Variants in PIK3C2A observed in about 807,000 individuals in gnomAD.
The protein encoded by PIK3C2A is phosphatidylinositol-4-phosphate 3-kinase catalytic subunit type 2 alpha.
A neutral mutation model predicts 204.5 loss-of-function variants in PIK3C2A; 97 were observed. The observed-to-expected ratio is 0.47, with a 90% confidence interval of 0.40 to 0.56. The LOEUF (loss-of-function observed/expected upper bound fraction) is 0.56. PIK3C2A is among the 20% of genes least tolerant of loss of function. The probability of loss-of-function intolerance (pLI) is 0.00; values close to 1 mark genes in which losing one functional copy is unlikely to be tolerated. For missense variants in PIK3C2A, 1,735 were observed against 1,969.2 expected, an observed-to-expected ratio of 0.88 and a Z score of 2.25; for synonymous variants, 653 against 664.4, an observed-to-expected ratio of 0.98 and a Z score of 0.26.
chr11:17,117,708 G>GTTTTTTTTT lies in PIK3C2A; in HGVS notation c.3036-46_3036-38dup, dbSNP rs35485246. The GTTTTTTTTT allele has an allele frequency of 1.6e-5, 5 of 319,516 alleles. 1 individual carries two copies. Among genetic ancestry groups the GTTTTTTTTT allele is most frequent in the South Asian group, 4.8e-5 (1 of 20,728 alleles). The allele number at this position is 319,516 out of a possible 1,614,324, so 19.8% of individuals were successfully genotyped here. On this transcript the variant is annotated intron_variant, in intron 18 of 32. Transcript: ENST00000691414. ...AAATATTTATGTTAGTCACGTCTTG[G>GTTTTTTTTT]TTTTTTTTTTTTTTTTTTTTTTTTG...
chr11:17,108,692 G>A (rs191492314), intron 22 of PIK3C2A, among the ~76,000 whole-genome samples: 1 of 152,256 alleles, frequency 6.6e-6, no homozygotes, highest in East Asian at 1.9e-4. Flanking sequence ...GCAGAAGCTG[G>A]TATGATGACA....
chr11:17,158,792 T>A (rs559521998), intron 2 of PIK3C2A, among the ~76,000 whole-genome samples: 172 of 152,086 alleles, frequency 1.1e-3, no homozygotes, highest in African/African-American at 4.0e-3. Context: ...TTTTAGGATT[T>A]AAAAAAAATA....
Position 17,088,440 on chromosome 11 carries a change from C to A in PIK3C2A, c.*1298G>T, listed in dbSNP as rs985505855. On this transcript the variant is annotated 3_prime_UTR_variant, in exon 33 of 33. Transcript: ENST00000691414. ...ATTTTTGTGTAGAGACGGGGTTTCA[C>A]CATGTTGGCCAGGCTGGTCTCAAAC... 1 of 152,052 alleles carries A rather than the reference C, an allele frequency of 6.6e-6. No individual in the cohort carries two copies. Among genetic ancestry groups the A allele is most frequent in the Non-Finnish European group, 1.5e-5 (1 of 68,054 alleles). 9.4% of individuals were successfully genotyped at this position (152,052 alleles called of 1,614,324 possible).
chr11:17,124,478 C>T (rs1446318123), intron 13 of PIK3C2A, among the ~76,000 whole-genome samples: 12 of 144,490 alleles, frequency 8.3e-5, no homozygotes, highest in African/African-American at 2.9e-4. Flanking sequence ...TTTTTTGAGA[C>T]GGAGTCTTGT....
intron 1 of PIK3C2A, among the ~76,000 whole-genome samples, chr11:17,204,971 A>C (rs1199868220): frequency 1.3e-5 from 2 of 151,932 alleles, no homozygotes; most frequent in Non-Finnish European, 2.9e-5. Context: ...TGAGGTCAGG[A>C]GTTCAAGACC....
At chr11:17,204,723 T>C (rs1393760488) in intron 1 of PIK3C2A, among the ~76,000 whole-genome samples, 3 of 152,194 alleles carry the variant, frequency 2.0e-5, no homozygotes, top group Non-Finnish European at 4.4e-5. Flanking sequence ...CCAGGCACTC[T>C]TTCAGGCCCT....
At chr11:17,186,907 C>G (rs1185983787) in intron 1 of PIK3C2A, among the ~76,000 whole-genome samples, 1 of 152,136 alleles carries the variant, frequency 6.6e-6, no homozygotes. Flanking sequence ...ACTAAAACCC[C>G]ATCTCTATTA....
chr11:17,201,997 T>G (rs1416443466), intron 1 of PIK3C2A, among the ~76,000 whole-genome samples: 1 of 152,132 alleles, frequency 6.6e-6, no homozygotes, highest in Non-Finnish European at 1.5e-5. Context: ...GGCCCACACC[T>G]GTAATCCCAG....
intron 1 of PIK3C2A, among the ~76,000 whole-genome samples, chr11:17,184,673 G>A (rs80354653): frequency 0.12 from 17,836 of 152,222 alleles, 1,476 homozygotes; most frequent in African/African-American, 0.22. Context: ...GGTGTCTCAT[G>A]CTTATAATCC....
intron 1 of PIK3C2A, 45 bp from the exon 2 acceptor site, chr11:17,169,851 T>C (rs1333426724): frequency 1.3e-6 from 1 of 745,850 alleles, no homozygotes; most frequent in Non-Finnish European, 2.1e-6. Flanking sequence ...TTTCTAAACA[T>C]AAATATATTT....
At chr11:17,168,538 G>C in intron 2 of PIK3C2A, 139 bp downstream of exon 2, 2 of 618,926 alleles carry the variant, frequency 3.2e-6, no homozygotes, top group Non-Finnish European at 5.6e-6. Context: ...CCGAAATCAC[G>C]CCACTGCACT....
chr11:17,108,115 G>T (rs918762144), intron 22 of PIK3C2A, among the ~76,000 whole-genome samples: 6 of 152,184 alleles, frequency 3.9e-5, no homozygotes, highest in African/African-American at 1.2e-4. Flanking sequence ...CAAGGGATCT[G>T]CCCGCCTCGG....
chr11:17,136,379 A>T (rs1849872374), intron 9 of PIK3C2A, 103 bp downstream of exon 9: 4 of 899,224 alleles, frequency 4.4e-6, no homozygotes, highest in Non-Finnish European at 7.0e-6. Context: ...CAAAAGTAAA[A>T]GCCAAAGTTA....
At chr11:17,094,660 G>T (rs1848402212) in intron 27 of PIK3C2A, among the ~76,000 whole-genome samples, 1 of 152,028 alleles carries the variant, frequency 6.6e-6, no homozygotes, top group African/African-American at 2.4e-5. Context: ...GGAGACAGAG[G>T]TTGCAGTGAA....
In PIK3C2A at chr11:17,136,617, G is replaced by T; in HGVS notation, c.1713C>A (p.His571Gln). The T allele has an allele frequency of 6.5e-7, 1 of 1,540,540 alleles. No individual in the cohort carries two copies. The highest frequency in any genetic ancestry group is 1.2e-5 in the South Asian group (1 of 82,092). The change falls in exon 9 of 33, where the codon CAC (histidine) becomes CAA (glutamine). Residue 571 changes from histidine (H) to glutamine (Q), a missense_variant. By Grantham distance (24) the His-to-Gln change is conservative. Transcript: ENST00000691414. ...VELALQIENQ[H>Q]RAVDQVIKAV... The stretch of plus-strand genomic sequence containing the variant: ...CTTTAATTACTTGATCTACTGCTCG[G>T]TGTTGGTTCTTTAAAAATAAAAAAT...
chr11:17,204,948 C>G (rs535071030), intron 1 of PIK3C2A, among the ~76,000 whole-genome samples: 2 of 151,956 alleles, frequency 1.3e-5, no homozygotes, highest in Admixed American at 1.3e-4. Context: ...GAGGGCGAGG[C>G]GGGCGGATCA....
At chr11:17,135,605 T>C (rs996228565) in intron 9 of PIK3C2A, among the ~76,000 whole-genome samples, 2 of 151,998 alleles carry the variant, frequency 1.3e-5, no homozygotes, top group African/African-American at 4.8e-5. Context: ...ATCCATCAAA[T>C]GGGTAAAATA....
chr11:17,160,127 C>T (rs1487828861), intron 2 of PIK3C2A, among the ~76,000 whole-genome samples: 3 of 152,150 alleles, frequency 2.0e-5, no homozygotes, highest in Non-Finnish European at 4.4e-5. Context: ...TAAAATTAAC[C>T]ATCACAGCAT....
At chr11:17,119,055 G>A (rs1372306035) in intron 17 of PIK3C2A, among the ~76,000 whole-genome samples, 165 bp downstream of exon 17, 1 of 152,178 alleles carries the variant, frequency 6.6e-6, no homozygotes, top group Non-Finnish European at 1.5e-5. Context: ...TGGGGCAGAT[G>A]ACAATAGTGG....
Sources: allele counts gnomAD v4.1 joint callset (sites outside exome capture counted in the v4.1 genomes callset), GRCh38; gene constraint gnomAD v4.1.1; transcripts MANE v1.5; gene names NCBI Gene and HGNC (gene_info 2026-07-23, HGNC 2026-07-21).